Variants in NEDD9 observed in about 807,000 individuals in gnomAD.
NEDD9 encodes the protein enhancer of filamentation 1.
A neutral mutation model predicts 76.6 loss-of-function variants in NEDD9; 26 were observed. The observed-to-expected ratio is 0.34, with a 90% CI of 0.25 to 0.47. The LOEUF is 0.47. Among genes scored for constraint, NEDD9 ranks in the 20% least tolerant of loss-of-function variants. NEDD9 has a pLI of 1.00. For synonymous variants in NEDD9, 392 were observed against 414.2 expected (o/e 0.95, Z 0.65); for missense variants, 937 against 1,058.5 (o/e 0.89, Z 1.59).
chr6:11,235,814 T>TG (rs1003904931), upstream of NEDD9, among the ~76,000 whole-genome samples: 2 of 151,974 alleles, frequency 1.3e-5, no homozygotes, highest in African/African-American at 4.8e-5. The surrounding 1 kb of genome is among the most constrained non-coding windows in gnomAD (Gnocchi z 4.1). Flanking sequence ...GTGCTTAGCG[T>TG]GGGGTACACA....
chr6:11,189,801 G>A (rs1014860551), intron 5 of NEDD9, among the ~76,000 whole-genome samples, 163 bp downstream of exon 5: 2 of 152,150 alleles, frequency 1.3e-5, no homozygotes, highest in South Asian at 2.1e-4. Flanking sequence ...TCAGCCCAGC[G>A]TTCTTACTAC....
intron 1 of NEDD9, among the ~76,000 whole-genome samples, chr6:11,217,912 G>T (rs1759003298): frequency 6.6e-6 from 1 of 152,160 alleles, no homozygotes; most frequent in Admixed American, 6.5e-5. Flanking sequence ...TGGCCTCCAC[G>T]ATACCACTTT....
rs773773683 is a variant in NEDD9, at chr6:11,298,055, G to A, written c.12+7937C>T. ...TCTGAATAGCTGTTACTATAGGTGC[G>A]CACCACTACACCCAGCTAATTTTTC... On this transcript the variant is annotated intron_variant, in intron 3 of 3. Coordinates refer to the NEDD9 transcript ENST00000397378. 2.6e-5 allele frequency among the ~76,000 whole-genome samples: 4 copies of A among 151,824 alleles called. No homozygotes were observed. The East Asian group carries it at 7.7e-4, about 29-fold the overall frequency.
At chr6:11,212,912 T>G (rs1186400596) in intron 2 of NEDD9, among the ~76,000 whole-genome samples, 1 of 152,160 alleles carries the variant, frequency 6.6e-6, no homozygotes, top group Non-Finnish European at 1.5e-5. Flanking sequence ...TGTACGAGAT[T>G]TGGTGTTTGT....
chr6:11,222,478 T>TAGAAG (rs1419837033), intron 1 of NEDD9, among the ~76,000 whole-genome samples: 1 of 152,212 alleles, frequency 6.6e-6, no homozygotes, highest in African/African-American at 2.4e-5. Context: ...GCTTCTTAGT[T>TAGAAG]AGAAGACAGG....
At chr6:11,362,220 C>G (rs1030425566) in intron 1 of NEDD9, among the ~76,000 whole-genome samples, 1 of 152,194 alleles carries the variant, frequency 6.6e-6, no homozygotes. Context: ...GAGAAGGCAG[C>G]AATCTGCAAC....
chr6:11,191,043 G>A lies in NEDD9; in HGVS notation c.826C>T (p.His276Tyr). 1 of 1,614,030 alleles carries A rather than the reference G, an allele frequency of 6.2e-7. No individual in the cohort carries two copies. The highest frequency in any genetic ancestry group is 8.5e-7 in the Non-Finnish European group (1 of 1,179,998). Residue 276 changes from histidine to tyrosine, a missense_variant, in exon 5 of 7, where the codon CAT becomes TAT. Coordinates refer to ENST00000379446, the MANE Select transcript of NEDD9 (RefSeq NM_006403.4). ...GGAATGTCACAGTTGTATTTTACAT[G>A]AAGGTCCTTCCCTGCTGGCTTGGTG... ...TCTKPAGKDLHVKYNCDIPGA... is the reference protein window; with the variant it reads ...TCTKPAGKDLYVKYNCDIPGA...
intron 1 of NEDD9, chr6:11,214,224 G>A: frequency 1.9e-6 from 1 of 518,258 alleles, no homozygotes; most frequent in Non-Finnish European, 3.9e-6. Flanking sequence ...AAAGCCAATA[G>A]AAGTACACAT....
intron 6 of NEDD9, among the ~76,000 whole-genome samples, chr6:11,187,436 A>G (rs1758007404): frequency 6.6e-6 from 1 of 152,224 alleles, no homozygotes; most frequent in Non-Finnish European, 1.5e-5. Flanking sequence ...GCCTGGATAT[A>G]TGTTGAAAAC....
At chr6:11,334,813 G>A (rs1762118389) in intron 1 of NEDD9, among the ~76,000 whole-genome samples, 1 of 152,184 alleles carries the variant, frequency 6.6e-6, no homozygotes, top group African/African-American at 2.4e-5. Context: ...AAAATGAGTT[G>A]TAAAGCAGCA....
chr6:11,259,959 C>CACACACACACACAG (rs1561808973), intron 3 of NEDD9, among the ~76,000 whole-genome samples: 8 of 151,722 alleles, frequency 5.3e-5, no homozygotes, highest in Admixed American at 3.9e-4. Flanking sequence ...CACACACACA[C>CACACACACACACAG]AGACACACAC....
chr6:11,242,573 A>G lies in NEDD9; in HGVS notation c.13-28846T>C, dbSNP rs182522847. 3.3e-5 allele frequency among the ~76,000 whole-genome samples: 5 copies of G among 149,544 alleles called. No individual in the cohort carries two copies. The East Asian group carries it at 8.5e-4, about 25-fold the overall frequency. ...CATTTTCAAAAGTCATCACCTGTGC[A>G]GTTCTGGTCACCAGGCAAAAAAAAA... On this transcript the variant is annotated intron_variant, in intron 3 of 3. Transcript: ENST00000397378.
chr6:11,292,873 C>T (rs1760806862), intron 3 of NEDD9, among the ~76,000 whole-genome samples: 1 of 152,128 alleles, frequency 6.6e-6, no homozygotes, highest in Non-Finnish European at 1.5e-5. Flanking sequence ...TTACTGAGCT[C>T]AGCCTCAAGC....
chr6:11,205,057 T>C (rs1758569336), intron 2 of NEDD9, among the ~76,000 whole-genome samples: 1 of 152,240 alleles, frequency 6.6e-6, no homozygotes, highest in African/African-American at 2.4e-5. Flanking sequence ...ATATGCCTTC[T>C]TCTTTAAGGG....
At chr6:11,192,504 T>TA in intron 3 of NEDD9, 58 bp from the exon 4 acceptor site, 1 of 1,268,098 alleles carries the variant, frequency 7.9e-7, no homozygotes, top group Non-Finnish European at 1.1e-6. Flanking sequence ...GGTCATTTTT[T>TA]ATGCTCCTAA....
At chr6:11,357,739 T>C (rs961775730) in intron 1 of NEDD9, among the ~76,000 whole-genome samples, 19 of 152,224 alleles carry the variant, frequency 1.2e-4, no homozygotes, top group African/African-American at 4.1e-4. Flanking sequence ...GAAAACAAGA[T>C]GTGTGCACAA....
chr6:11,361,875 A>C (rs1017837979), intron 1 of NEDD9, among the ~76,000 whole-genome samples: 9 of 152,168 alleles, frequency 5.9e-5, no homozygotes, highest in African/African-American at 2.2e-4. Context: ...TTCAAGAAGT[A>C]GGTGGTATGT....
intron 1 of NEDD9, among the ~76,000 whole-genome samples, chr6:11,368,215 C>G (rs934316183): frequency 6.6e-6 from 1 of 152,176 alleles, no homozygotes; most frequent in Non-Finnish European, 1.5e-5. Context: ...GAAACCCAAA[C>G]AGATGGAGAA....
intron 1 of NEDD9, among the ~76,000 whole-genome samples, chr6:11,218,610 T>C (rs1759046139): frequency 1.3e-5 from 2 of 152,188 alleles, no homozygotes; most frequent in African/African-American, 2.4e-5. Context: ...AAACAAAATA[T>C]AGACTCAGTA....
Sources: allele counts gnomAD v4.1 joint callset (sites outside exome capture counted in the v4.1 genomes callset), GRCh38; gene constraint gnomAD v4.1.1; non-coding constraint Gnocchi (gnomAD v3.1); transcripts MANE v1.5; gene names NCBI Gene and HGNC (gene_info 2026-07-23, HGNC 2026-07-21).